Variants in CNTNAP4 observed in about 807,000 individuals in gnomAD.
The protein encoded by CNTNAP4 is contactin-associated protein-like 4.
In CNTNAP4, 98 loss-of-function variants were observed where a neutral mutation model predicts 148.4. The observed-to-expected ratio is 0.66, with a 90% CI of 0.56 to 0.78. The LOEUF (loss-of-function observed/expected upper bound fraction) is 0.78. Ranked by LOEUF, CNTNAP4 falls within the 30% of genes least tolerant of loss-of-function variation. The probability of loss-of-function intolerance (pLI) is 0.00; values close to 1 mark genes in which losing one functional copy is unlikely to be tolerated. For missense variants in CNTNAP4, 1,935 were observed against 1,565.6 expected (o/e 1.24, Z -3.98); for synonymous variants, 730 against 565.1 (o/e 1.29, Z -4.14).
intron 3 of CNTNAP4, among the ~76,000 whole-genome samples, chr16:76,420,195 A>G (rs1045603304): frequency 1.6e-5 from 1 of 64,496 alleles, no homozygotes; most frequent in Non-Finnish European, 4.6e-5. Flanking sequence ...TAACAGAATA[A>G]TATGTATATT....
chr16:76,513,465 T>C, intron 15 of CNTNAP4, among the ~76,000 whole-genome samples: 1 of 152,172 alleles, frequency 6.6e-6, no homozygotes. Flanking sequence ...AAACCCGATG[T>C]TTATACACAG....
At chr16:76,425,017 A>T (rs2079332844) in intron 3 of CNTNAP4, among the ~76,000 whole-genome samples, 1 of 152,160 alleles carries the variant, frequency 6.6e-6, no homozygotes, top group South Asian at 2.1e-4. Context: ...GGTTAGTGCA[A>T]TATAGAAAAC....
intron 2 of CNTNAP4, among the ~76,000 whole-genome samples, chr16:76,322,258 T>C (rs1046199902): frequency 6.6e-6 from 1 of 152,160 alleles, no homozygotes; most frequent in Non-Finnish European, 1.5e-5. Context: ...CCTAATTTTT[T>C]CTGGGTTTGG....
intron 3 of CNTNAP4, among the ~76,000 whole-genome samples, chr16:76,391,647 G>C (rs1211792442): frequency 6.6e-6 from 1 of 152,176 alleles, no homozygotes; most frequent in East Asian, 1.9e-4. Context: ...TACCCAATCA[G>C]AACCTCTGAG....
chr16:76,327,605 G>A (rs1377491455), intron 2 of CNTNAP4, among the ~76,000 whole-genome samples: 4 of 152,172 alleles, frequency 2.6e-5, no homozygotes, highest in African/African-American at 9.7e-5. Flanking sequence ...AGGTGTGATA[G>A]GGTCTCATCT....
intron 10 of CNTNAP4, among the ~76,000 whole-genome samples, chr16:76,475,628 C>G (rs1052523606): frequency 6.6e-6 from 1 of 152,120 alleles, no homozygotes; most frequent in African/African-American, 2.4e-5. Flanking sequence ...AATGTTATTT[C>G]ATGTATGCTG....
intron 4 of CNTNAP4, among the ~76,000 whole-genome samples, chr16:76,431,458 T>C (rs2079601831): frequency 1.3e-5 from 2 of 152,008 alleles, no homozygotes; most frequent in Non-Finnish European, 2.9e-5. Context: ...GGTGGGGGGT[T>C]ACCTGAGGTC....
intron 2 of CNTNAP4, among the ~76,000 whole-genome samples, chr16:76,322,857 G>A (rs1401544421): frequency 6.8e-6 from 1 of 146,770 alleles, no homozygotes; most frequent in Non-Finnish European, 1.5e-5. Context: ...TTTTTTTTGA[G>A]ACAGTCTTAC....
At chr16:76,557,545 T>C (rs922253189) in intron 23 of CNTNAP4, 1 of 152,226 alleles carries the variant, frequency 6.6e-6, no homozygotes, top group Non-Finnish European at 1.5e-5. Flanking sequence ...GAAGAGTTTT[T>C]ACAGCTTCAT....
At chr16:76,293,965 G>C (rs1183353591) in intron 1 of CNTNAP4, among the ~76,000 whole-genome samples, 1 of 151,982 alleles carries the variant, frequency 6.6e-6, no homozygotes, top group Admixed American at 6.6e-5. Flanking sequence ...ATTCTTCTCA[G>C]AGCAAGAGAG....
chr16:76,354,713 A>G (rs773779586), intron 2 of CNTNAP4, among the ~76,000 whole-genome samples: 8 of 152,202 alleles, frequency 5.3e-5, no homozygotes, highest in Non-Finnish European at 8.8e-5. Context: ...CACTGGATAG[A>G]GTTGTGTTAT....
At chr16:76,523,342 C>G (rs1369996035) in intron 17 of CNTNAP4, among the ~76,000 whole-genome samples, 1 of 149,906 alleles carries the variant, frequency 6.7e-6, no homozygotes, top group Non-Finnish European at 1.5e-5. Context: ...TTGACAGTTT[C>G]ACCAGTTCCT....
chr16:76,528,666 C>T (rs554928748), intron 17 of CNTNAP4, among the ~76,000 whole-genome samples: 1 of 152,268 alleles, frequency 6.6e-6, no homozygotes, highest in South Asian at 2.1e-4. Context: ...ACCCTCTCTG[C>T]TAAAAGCCGG....
At chr16:76,453,224 A>G (rs537011455) in intron 8 of CNTNAP4, among the ~76,000 whole-genome samples, 5 of 152,330 alleles carry the variant, frequency 3.3e-5, no homozygotes, top group Middle Eastern at 3.4e-3. Flanking sequence ...ATGAGTGTAC[A>G]GTGTGAATGG....
intron 2 of CNTNAP4, among the ~76,000 whole-genome samples, chr16:76,351,882 G>A (rs1264920883): frequency 6.6e-6 from 1 of 152,178 alleles, no homozygotes; most frequent in Non-Finnish European, 1.5e-5. Context: ...TTGCTGTCAT[G>A]TGTTCGCTTT....
At position 76,489,718 on chromosome 16, in the gene CNTNAP4, T is replaced by C. The variant is rs1283667836; in HGVS notation, c.1915T>C (p.Ser639Pro). 1.9e-6 allele frequency: 3 copies of C among 1,604,656 alleles called. No individual in the cohort carries two copies. The highest frequency in any genetic ancestry group is 2.6e-6 in the Non-Finnish European group (3 of 1,174,730). ...ATGGACCATCATACAGCACAACGGC[T>C]CTGACTTAACAAGAGTCAGAAATAC... Reference protein sequence around the residue: ...TAWTIIQHNGSDLTRVRNTNP... With the variant: ...TAWTIIQHNGPDLTRVRNTNP... Residue 639 changes from serine (S) to proline (P), a missense_variant, in exon 13 of 24, where the codon TCT becomes CCT. Ser to Pro is a moderately conservative substitution (Grantham distance 74). Coordinates refer to ENST00000611870, the MANE Select transcript of CNTNAP4 (RefSeq NM_033401.5).
chr16:76,429,642 G>C (rs754789202), intron 4 of CNTNAP4, among the ~76,000 whole-genome samples: 2 of 152,100 alleles, frequency 1.3e-5, no homozygotes, highest in Non-Finnish European at 2.9e-5. Flanking sequence ...AAAGCACCAG[G>C]TATAATGTCC....
chr16:76,295,610 A>G (rs991134881), intron 1 of CNTNAP4, among the ~76,000 whole-genome samples: 1 of 152,084 alleles, frequency 6.6e-6, no homozygotes, highest in Non-Finnish European at 1.5e-5. Flanking sequence ...ATGCTAATAA[A>G]GAACAGGCAA....
At chr16:76,406,131 C>T (rs939277378) in intron 3 of CNTNAP4, among the ~76,000 whole-genome samples, 1 of 152,112 alleles carries the variant, frequency 6.6e-6, no homozygotes, top group Non-Finnish European at 1.5e-5. Context: ...TGCTATTTTA[C>T]AACAGCATGT....
Sources: gnomAD v4.1 joint callset for allele counts (sites outside exome capture counted in the v4.1 genomes callset) on GRCh38, gnomAD v4.1.1 for gene constraint, MANE v1.5 for transcripts, NCBI Gene and HGNC (gene_info 2026-07-23, HGNC 2026-07-21) for gene names.